NRXN1: variants seen among roughly 807,000 people sequenced by gnomAD.
NRXN1 encodes neurexin-1.
Under a neutral mutation model 150.9 loss-of-function variants are expected in NRXN1, and 39 were observed. The ratio of observed to expected loss-of-function variants is 0.26; its 90% CI spans 0.20 to 0.34. The LOEUF (loss-of-function observed/expected upper bound fraction) is 0.34, where lower values mean the gene tolerates loss of function less well. Ranked by LOEUF, NRXN1 falls within the 10% of genes least tolerant of loss-of-function variation. The probability of loss-of-function intolerance (pLI) is 1.00; values close to 1 mark genes in which losing one functional copy is unlikely to be tolerated. For missense variants in NRXN1, 1,815 were observed against 1,949.9 expected (o/e 0.93, Z 1.30); for synonymous variants, 924 against 757.0 (o/e 1.22, Z -3.62).
chr2:50,176,294 A>G (rs2060351431), intron 18 of NRXN1, among the ~76,000 whole-genome samples: 1 of 152,164 alleles, frequency 6.6e-6, no homozygotes, highest in Admixed American at 6.6e-5. Context: ...GTCCAAGTCA[A>G]CAACTCAGTA....
intron 17 of NRXN1, among the ~76,000 whole-genome samples, chr2:50,364,909 T>C (rs939849514): frequency 2.6e-5 from 4 of 151,930 alleles, no homozygotes; most frequent in African/African-American, 9.7e-5. Flanking sequence ...CTAGGGAAAC[T>C]GCAAGAGACC....
intron 5 of NRXN1, among the ~76,000 whole-genome samples, chr2:50,685,304 T>A (rs1265451894): frequency 6.6e-6 from 1 of 152,150 alleles, no homozygotes; most frequent in Non-Finnish European, 1.5e-5. Context: ...ATTAAGCATA[T>A]CACTAGGTGG....
intron 22 of NRXN1, among the ~76,000 whole-genome samples, chr2:49,929,277 G>A (rs1225762520): frequency 6.6e-6 from 1 of 152,178 alleles, no homozygotes; most frequent in Non-Finnish European, 1.5e-5. Context: ...TGACCTTGGT[G>A]ACACTGAAGA....
intron 19 of NRXN1, among the ~76,000 whole-genome samples, chr2:50,086,832 G>GAC (rs1558848403): frequency 1.1e-3 from 162 of 147,982 alleles, no homozygotes; most frequent in African/African-American, 4.1e-3. Context: ...GAGAGAGAGA[G>GAC]AGAGAGAGAG....
chr2:50,924,418 C>G (rs1686554478), intron 3 of NRXN1, among the ~76,000 whole-genome samples: 1 of 151,628 alleles, frequency 6.6e-6, no homozygotes, highest in African/African-American at 2.4e-5. Context: ...AAGAGAGAAG[C>G]ATTCATGCTA....
At chr2:50,122,356 TC>T (rs1703975965) in intron 18 of NRXN1, among the ~76,000 whole-genome samples, 2 of 152,208 alleles carry the variant, frequency 1.3e-5, no homozygotes, top group African/African-American at 4.8e-5. Context: ...CAAAAATTTC[TC>T]CCTAAGGAGC....
At chr2:50,791,527 G>T (rs1010881102) in intron 5 of NRXN1, among the ~76,000 whole-genome samples, 6 of 152,000 alleles carry the variant, frequency 3.9e-5, no homozygotes, top group African/African-American at 7.3e-5. Flanking sequence ...TTGCTTTGGG[G>T]CTTTTCCCTT....
Position 50,538,524 on chromosome 2 carries a change from G to A in NRXN1, c.1872C>T (p.Gly624=), listed in dbSNP as rs1375791046. ...TCCACACCTCGGTGGGGAAGACAAG[G>A]CCAGCTTTATTTTCTGGCAGCCCCC... ...YLGGLPENKA[G]LVFPTEVWTA... Residue 624 remains glycine, a synonymous_variant, in exon 10 of 23, where the codon GGC becomes GGT. Transcript: ENST00000401669. The A allele has an allele frequency of 1.9e-6, 3 of 1,600,608 alleles. No individual in the cohort carries two copies. Among genetic ancestry groups the A allele is most frequent in the Non-Finnish European group, 8.5e-7 (1 of 1,171,600 alleles).
chr2:51,021,643 A>G (rs763157079), intron 2 of NRXN1, among the ~76,000 whole-genome samples: 42 of 152,002 alleles, frequency 2.8e-4, no homozygotes, highest in Non-Finnish European at 7.4e-5. Context: ...AAAGCCAAAT[A>G]TATTACCTAT....
At chr2:50,722,610 T>C (rs1428999335) in intron 5 of NRXN1, among the ~76,000 whole-genome samples, 1 of 152,200 alleles carries the variant, frequency 6.6e-6, no homozygotes, top group East Asian at 1.9e-4. Flanking sequence ...ATAATGGTTA[T>C]ATTAATATAA....
At chr2:51,030,477 A>T (rs1671324065) in intron 1 of NRXN1, among the ~76,000 whole-genome samples, 1 of 151,780 alleles carries the variant, frequency 6.6e-6, no homozygotes, top group Non-Finnish European at 1.5e-5. Context: ...CCACCAAGCT[A>T]GGGTATCCCA....
At chr2:50,310,935 T>C (rs1051109651) in intron 17 of NRXN1, among the ~76,000 whole-genome samples, 1 of 152,154 alleles carries the variant, frequency 6.6e-6, no homozygotes, top group East Asian at 1.9e-4. Context: ...AATTTTCAAA[T>C]TAAAATATTT....
chr2:50,750,222 T>G (rs1477985133), intron 5 of NRXN1, among the ~76,000 whole-genome samples: 1 of 152,072 alleles, frequency 6.6e-6, no homozygotes, highest in Non-Finnish European at 1.5e-5. Context: ...TCTCACATAA[T>G]TTGTCACATA....
intron 2 of NRXN1, among the ~76,000 whole-genome samples, chr2:50,979,490 G>T (rs1177580252): frequency 6.6e-6 from 1 of 152,004 alleles, no homozygotes; most frequent in Non-Finnish European, 1.5e-5. Flanking sequence ...TTTTCCTTTT[G>T]ATTCCCTTAT....
At position 50,452,618 on chromosome 2, in the gene NRXN1, A is replaced by G. The variant is rs190339125; in HGVS notation, c.3364+12824T>C. Among the ~76,000 whole-genome samples, 6 of 152,300 alleles carry G rather than the reference A, an allele frequency of 3.9e-5. No homozygotes were observed. The East Asian group carries it at 1.2e-3, about 29-fold the overall frequency. ...GAAACTGTGTTTGGAATTGCTGGTA[A>G]ACTGGAATCAATTTGTTTAGCAAGT... On this transcript the variant is annotated intron_variant, in intron 17 of 22. Transcript: ENST00000401669.
chr2:50,074,690 C>G (rs1392876503), intron 19 of NRXN1, among the ~76,000 whole-genome samples: 1 of 152,174 alleles, frequency 6.6e-6, no homozygotes, highest in Non-Finnish European at 1.5e-5. Context: ...CTCTTGAGCT[C>G]TATAGAATTA....
At chr2:50,153,064 T>G (rs565849611) in intron 18 of NRXN1, among the ~76,000 whole-genome samples, 34 of 151,818 alleles carry the variant, frequency 2.2e-4, no homozygotes, top group African/African-American at 8.2e-4. Flanking sequence ...TAGGTAAAAA[T>G]CTTGACCTAT....
At chr2:50,859,846 G>C (rs1220360960) in intron 5 of NRXN1, among the ~76,000 whole-genome samples, 1 of 139,324 alleles carries the variant, frequency 7.2e-6, no homozygotes, top group Non-Finnish European at 1.6e-5. Context: ...GTTTGTGTGT[G>C]TGTGTGTGTG....
At chr2:50,504,414 A>G (rs929907600) in intron 13 of NRXN1, among the ~76,000 whole-genome samples, 1 of 152,178 alleles carries the variant, frequency 6.6e-6, no homozygotes, top group Non-Finnish European at 1.5e-5. Flanking sequence ...ACTGGCTAAG[A>G]GAAAAGTTAG....
Sources: gnomAD v4.1 joint callset for allele counts (sites outside exome capture counted in the v4.1 genomes callset) on GRCh38, gnomAD v4.1.1 for gene constraint, MANE v1.5 for transcripts, NCBI Gene and HGNC (gene_info 2026-07-23, HGNC 2026-07-21) for gene names.